SHISA6: variants seen among roughly 807,000 people sequenced by gnomAD.
The protein encoded by SHISA6 is shisa family member 6.
SHISA6 carries 22 observed loss-of-function variants against 47.9 expected under a neutral mutation model. The observed-to-expected ratio is 0.46, with a 90% CI of 0.33 to 0.66. The LOEUF is 0.66. Among genes scored for constraint, SHISA6 ranks in the 30% least tolerant of loss-of-function variants. SHISA6 has a pLI of 0.02. For synonymous variants in SHISA6, 388 were observed against 337.8 expected, an observed-to-expected ratio of 1.15 and a Z score of -1.63; for missense variants, 680 against 764.6, an observed-to-expected ratio of 0.89 and a Z score of 1.30.
In SHISA6 at chr17:11,404,614, A is replaced by G. The variant is rs75920594; in HGVS notation, c.895+25105A>G. ...GTGGTGAAGGAAGTCAGTGTGAGGCATGATTCACAGGGACTCCTGAACAGG... is the reference window on the plus strand; with the variant it reads ...GTGGTGAAGGAAGTCAGTGTGAGGCGTGATTCACAGGGACTCCTGAACAGG... On this transcript the variant is annotated intron_variant, in intron 3 of 5. Coordinates refer to ENST00000441885, the MANE Select transcript of SHISA6 (RefSeq NM_207386.4). 3.8e-3 allele frequency among the ~76,000 whole-genome samples: 581 copies of G among 152,334 alleles called. 4 individuals carry two copies. The highest frequency in any genetic ancestry group is 0.013 in the African/African-American group (545 of 41,568).
chr17:11,403,792 A>G (rs1261497390), intron 3 of SHISA6, among the ~76,000 whole-genome samples: 1 of 152,236 alleles, frequency 6.6e-6, no homozygotes, highest in African/African-American at 2.4e-5. Context: ...CATTTTCCAA[A>G]TATGTTCTCA....
At chr17:11,429,660 G>T (rs1007863764) in intron 3 of SHISA6, among the ~76,000 whole-genome samples, 12 of 150,880 alleles carry the variant, frequency 8.0e-5, no homozygotes, top group Non-Finnish European at 1.3e-4. Flanking sequence ...GCATGGTGGC[G>T]CATGCCTATA....
intron 1 of SHISA6, among the ~76,000 whole-genome samples, chr17:11,257,440 T>G (rs772881861): frequency 1.3e-5 from 2 of 151,940 alleles, no homozygotes; most frequent in Non-Finnish European, 2.9e-5. Flanking sequence ...GGAGGCAGAT[T>G]GCCTGAGTTT....
In SHISA6 at chr17:11,379,436, C is replaced by T. The variant is rs1213788378; in HGVS notation, c.822C>T (p.Tyr274=). 1 of 1,539,846 alleles carries T rather than the reference C, an allele frequency of 6.5e-7. No individual in the cohort carries two copies. Among genetic ancestry groups the T allele is most frequent in the Non-Finnish European group, 8.8e-7 (1 of 1,142,048 alleles). The part of the protein sequence containing the change: ...QTPGHYGKDA[Y]RSGGPDLHNF... ...CAGGGCATTATGGGAAGGATGCTTA[C>T]CGAAGTGGAGGACCTGATCTCCATA... Residue 274 remains tyrosine, a synonymous_variant, in exon 3 of 6, where the codon TAC becomes TAT. Coordinates refer to ENST00000441885, the MANE Select transcript of SHISA6 (RefSeq NM_207386.4).
At chr17:11,516,963 C>T (rs1441885168) in intron 3 of SHISA6, among the ~76,000 whole-genome samples, 2 of 152,200 alleles carry the variant, frequency 1.3e-5, no homozygotes, top group African/African-American at 4.8e-5. Context: ...GCTGAGAATT[C>T]AAGTCTTTGA....
rs182899536 is a variant in SHISA6, at chr17:11,357,523, T to C, written c.800-21891T>C. Among the ~76,000 whole-genome samples the C allele has an allele frequency of 1.2e-4, 19 of 152,306 alleles. No individual in the cohort carries two copies. The East Asian group carries it at 3.7e-3, about 29-fold the overall frequency. ...CCTCCCCTTCCCCAGGTGTATCCCCTCCTTTATTCTACAAAGATGGAATCA... is the reference window on the plus strand; with the variant it reads ...CCTCCCCTTCCCCAGGTGTATCCCCCCCTTTATTCTACAAAGATGGAATCA... On this transcript the variant is annotated intron_variant, in intron 2 of 5. Coordinates refer to ENST00000441885, the MANE Select transcript of SHISA6 (RefSeq NM_207386.4).
At chr17:11,456,873 TGTACCCTGGCCATTCAACTGG>T (rs1915552693) in intron 3 of SHISA6, among the ~76,000 whole-genome samples, 1 of 152,202 alleles carries the variant, frequency 6.6e-6, no homozygotes, top group African/African-American at 2.4e-5. Flanking sequence ...AATTCCACTG[TGTACCCTGGCCATTCAACTGG>T]GGGATGCTTT....
intron 3 of SHISA6, among the ~76,000 whole-genome samples, chr17:11,403,456 A>G (rs1206971058): frequency 6.6e-6 from 1 of 152,174 alleles, no homozygotes; most frequent in African/African-American, 2.4e-5. Flanking sequence ...TTTCTAGGGG[A>G]ACACAACAAA....
chr17:11,463,993 TG>T (rs1181954677), intron 3 of SHISA6, among the ~76,000 whole-genome samples: 4 of 152,176 alleles, frequency 2.6e-5, no homozygotes, highest in Admixed American at 2.0e-4. Context: ...CACAACTCAC[TG>T]CAGCCTCAGC....
intron 2 of SHISA6, among the ~76,000 whole-genome samples, chr17:11,369,713 G>A (rs1912567685): frequency 6.6e-6 from 1 of 152,206 alleles, no homozygotes; most frequent in Non-Finnish European, 1.5e-5. Flanking sequence ...GCTCTTTTCA[G>A]GGTTTGTCTT....
intron 2 of SHISA6, among the ~76,000 whole-genome samples, chr17:11,375,310 C>A (rs1340457882): frequency 2.0e-5 from 3 of 152,192 alleles, no homozygotes; most frequent in East Asian, 3.9e-4. Context: ...TCCTCTGTGC[C>A]CTGTCTTTTC....
intron 2 of SHISA6, among the ~76,000 whole-genome samples, chr17:11,360,120 T>C (rs977388318): frequency 5.9e-5 from 9 of 152,160 alleles, no homozygotes; most frequent in Non-Finnish European, 1.2e-4. Context: ...ATATACACCA[T>C]GGAATACTAT....
chr17:11,504,564 T>C (rs1237820925), intron 3 of SHISA6, among the ~76,000 whole-genome samples: 3 of 152,156 alleles, frequency 2.0e-5, no homozygotes, highest in Non-Finnish European at 4.4e-5. Flanking sequence ...TAGGAAAGTA[T>C]CTATCAAATC....
intron 3 of SHISA6, among the ~76,000 whole-genome samples, chr17:11,447,786 C>A (rs1235736693): frequency 6.6e-6 from 1 of 152,172 alleles, no homozygotes; most frequent in East Asian, 1.9e-4. Flanking sequence ...ATTCTAAACC[C>A]AACTGTTTGG....
At chr17:11,493,564 G>A (rs16944872) in intron 3 of SHISA6, among the ~76,000 whole-genome samples, 59,657 of 150,906 alleles carry the variant, frequency 0.4, 11,828 homozygotes, top group East Asian at 0.53. Flanking sequence ...GTACCATGTG[G>A]ATACACGCGT....
chr17:11,243,174 C>T (rs559727445), intron 1 of SHISA6, among the ~76,000 whole-genome samples: 1 of 151,770 alleles, frequency 6.6e-6, no homozygotes, highest in Non-Finnish European at 1.5e-5. Context: ...GAGCTCTTCT[C>T]TGCGTCCTGC....
chr17:11,474,313 G>C (rs1916001257), intron 3 of SHISA6, among the ~76,000 whole-genome samples: 1 of 151,490 alleles, frequency 6.6e-6, no homozygotes, highest in South Asian at 2.1e-4. Flanking sequence ...CTAATGATCA[G>C]TGATGATGAG....
At chr17:11,507,740 T>C (rs2071511453) in intron 3 of SHISA6, among the ~76,000 whole-genome samples, 1 of 152,244 alleles carries the variant, frequency 6.6e-6, no homozygotes, top group Non-Finnish European at 1.5e-5. Context: ...ATCATTGTTT[T>C]AATGTGTCTC....
At chr17:11,462,006 A>G (rs970381188) in intron 3 of SHISA6, among the ~76,000 whole-genome samples, 1 of 151,904 alleles carries the variant, frequency 6.6e-6, no homozygotes, top group Non-Finnish European at 1.5e-5. Flanking sequence ...TTGTGTTGAT[A>G]TTGGTGGACA....
Sources: allele counts gnomAD v4.1 joint callset (sites outside exome capture counted in the v4.1 genomes callset), GRCh38; gene constraint gnomAD v4.1.1; transcripts MANE v1.5; gene names NCBI Gene and HGNC (gene_info 2026-07-23, HGNC 2026-07-21).